SMIM14: variants seen among roughly 807,000 people sequenced by gnomAD.
SMIM14 encodes the protein chromosome 4 open reading frame 34.
Under a neutral mutation model 12.6 loss-of-function variants are expected in SMIM14, and 5 were observed. The observed-to-expected ratio is 0.40, with a 90% CI of 0.21 to 0.83. The LOEUF (loss-of-function observed/expected upper bound fraction) is 0.83, where lower values mean the gene tolerates loss of function less well. Ranked by LOEUF, SMIM14 falls within the 40% of genes least tolerant of loss-of-function variation. SMIM14 has a pLI of 0.37. For missense variants in SMIM14, 86 were observed against 119.1 expected (o/e 0.72, Z 1.29); for synonymous variants, 30 against 40.1 (o/e 0.75, Z 0.95).
In SMIM14 at chr4:39,610,269, G is replaced by A. The variant is rs1714976934; in HGVS notation, c.-35-5089C>T. On this transcript the variant is annotated intron_variant, in intron 1 of 4. Transcript: ENST00000295958. ...CCCAAAGTGCTGAAATTACAGGTGTGAGCCACCGCGCCTGGTCCAATTTAA... is the reference window on the plus strand; with the variant it reads ...CCCAAAGTGCTGAAATTACAGGTGTAAGCCACCGCGCCTGGTCCAATTTAA... Among the ~76,000 whole-genome samples, 3 of 152,110 alleles carry A rather than the reference G, an allele frequency of 2.0e-5. No individual in the cohort carries two copies. The South Asian group carries it at 6.2e-4, about 32-fold the overall frequency.
At chr4:39,576,530 G>C (rs2110014104) in intron 2 of SMIM14, among the ~76,000 whole-genome samples, 1 of 150,918 alleles carries the variant, frequency 6.6e-6, no homozygotes, top group Non-Finnish European at 1.5e-5. Flanking sequence ...GCTGCATGTA[G>C]TTAACCTCAG....
At position 39,605,207 on chromosome 4, in the gene SMIM14, A is replaced by G. The variant is rs1714761203; in HGVS notation, c.-35-27T>C. Reference sequence around the variant, plus strand: ...TAGGAGGAAGGAAAAAATACTGTTAAGTCTACAATTCAGAATTACTCTTTC... The same window carrying G: ...TAGGAGGAAGGAAAAAATACTGTTAGGTCTACAATTCAGAATTACTCTTTC... On this transcript the variant is annotated intron_variant, in intron 1 of 4. Transcript: ENST00000295958. 9.9e-6 allele frequency: 13 copies of G among 1,312,162 alleles called. No individual in the cohort carries two copies. The Admixed American group carries it at 1.9e-4, about 20-fold the overall frequency. 81.3% of individuals were successfully genotyped at this position (1,312,162 alleles called of 1,614,324 possible).
intron 2 of SMIM14, among the ~76,000 whole-genome samples, chr4:39,574,542 C>T (rs1578323833): frequency 1.3e-5 from 2 of 152,236 alleles, no homozygotes; most frequent in South Asian, 4.1e-4. Context: ...AGCACCTGGC[C>T]CTGCAACTTT....
At chr4:39,592,186 C>G (rs1287808554) in intron 2 of SMIM14, among the ~76,000 whole-genome samples, 4 of 151,952 alleles carry the variant, frequency 2.6e-5, no homozygotes, top group Admixed American at 2.6e-4. Flanking sequence ...CAATGAGACC[C>G]TGTCTCTTAA....
chr4:39,600,622 G>A (rs1429272516), intron 2 of SMIM14, among the ~76,000 whole-genome samples: 2 of 152,100 alleles, frequency 1.3e-5, no homozygotes, highest in African/African-American at 4.8e-5. Context: ...TGCAGGAGGT[G>A]GAGGTTGCAG....
intron 3 of SMIM14, among the ~76,000 whole-genome samples, chr4:39,562,777 A>G (rs28550880): frequency 0.13 from 18,808 of 148,348 alleles, 2,964 homozygotes; most frequent in African/African-American, 0.38. Context: ...AAAGTTCTGG[A>G]ATTACAGGCA....
chr4:39,556,867 A>G (rs1417508575), intron 3 of SMIM14, among the ~76,000 whole-genome samples: 1 of 152,186 alleles, frequency 6.6e-6, no homozygotes, highest in Non-Finnish European at 1.5e-5. Flanking sequence ...AGCTCACTAC[A>G]GCCTTAACCT....
chr4:39,606,071 C>T (rs571701368), intron 1 of SMIM14, among the ~76,000 whole-genome samples: 6 of 152,210 alleles, frequency 3.9e-5, no homozygotes, highest in Admixed American at 2.0e-4. Flanking sequence ...TAAGGCCAGG[C>T]GCACTGGCTT....
At chr4:39,554,164 G>C (rs1383632959) in intron 4 of SMIM14, among the ~76,000 whole-genome samples, 2 of 152,122 alleles carry the variant, frequency 1.3e-5, no homozygotes, top group Non-Finnish European at 2.9e-5. Context: ...GAGAATTAGT[G>C]GGATAATTTG....
chr4:39,637,569 G>A (rs888479200), intron 1 of SMIM14, among the ~76,000 whole-genome samples: 2 of 151,842 alleles, frequency 1.3e-5, no homozygotes, highest in Non-Finnish European at 2.9e-5. Flanking sequence ...AGTTCTCGGG[G>A]GTGAAGCGGT....
intron 2 of SMIM14, among the ~76,000 whole-genome samples, chr4:39,595,972 GTTAA>G (rs1560297993): frequency 2.0e-5 from 3 of 151,884 alleles, no homozygotes; most frequent in Admixed American, 1.3e-4. Flanking sequence ...TTATTTTTAG[GTTAA>G]TTATTTGAGT....
At chr4:39,620,343 G>T (rs1272206008) in intron 1 of SMIM14, among the ~76,000 whole-genome samples, 1 of 152,062 alleles carries the variant, frequency 6.6e-6, no homozygotes, top group Admixed American at 6.6e-5. Flanking sequence ...GCCAGGCATG[G>T]TGGCGGGCGC....
intron 1 of SMIM14, among the ~76,000 whole-genome samples, chr4:39,628,664 A>C (rs1032975383): frequency 2.3e-4 from 34 of 145,628 alleles, no homozygotes; most frequent in African/African-American, 8.2e-4. Flanking sequence ...CCTGGGTGAC[A>C]AGGCGAGACT....
chr4:39,594,245 G>T (rs1158415094), intron 2 of SMIM14: 2 of 152,090 alleles, frequency 1.3e-5, no homozygotes, highest in African/African-American at 4.8e-5. Context: ...CGGAAATAAC[G>T]CCGCATATCT....
chr4:39,615,106 T>C (rs73808487), intron 1 of SMIM14, among the ~76,000 whole-genome samples: 1 of 151,920 alleles, frequency 6.6e-6, no homozygotes, highest in African/African-American at 2.4e-5. Context: ...GTTTTTTTTT[T>C]AATTTATTTA....
intron 2 of SMIM14, among the ~76,000 whole-genome samples, chr4:39,598,296 C>T (rs1714457679): frequency 6.6e-6 from 1 of 152,124 alleles, no homozygotes; most frequent in African/African-American, 2.4e-5. Context: ...TTTAGTTATT[C>T]GTGTACACAA....
chr4:39,563,637 C>G (rs1315749882), intron 3 of SMIM14, among the ~76,000 whole-genome samples: 1 of 152,216 alleles, frequency 6.6e-6, no homozygotes, highest in African/African-American at 2.4e-5. Context: ...GTTCTTACAA[C>G]TAACTCCATT....
chr4:39,605,215 A>G, intron 1 of SMIM14, 35 bp from the exon 2 acceptor site: 2 of 1,196,558 alleles, frequency 1.7e-6, no homozygotes, highest in South Asian at 1.4e-5. Context: ...TAAGTCTACA[A>G]TTCAGAATTA....
At chr4:39,632,884 AAAAT>A (rs754473705) in intron 1 of SMIM14, among the ~76,000 whole-genome samples, 11 of 152,068 alleles carry the variant, frequency 7.2e-5, no homozygotes, top group Non-Finnish European at 1.3e-4. Context: ...AAAAATACCA[AAAAT>A]AAATAAATTA....
Sources: gnomAD v4.1 joint callset for allele counts (sites outside exome capture counted in the v4.1 genomes callset) on GRCh38, gnomAD v4.1.1 for gene constraint, MANE v1.5 for transcripts, NCBI Gene and HGNC (gene_info 2026-07-23, HGNC 2026-07-21) for gene names.